GATAD2B: variants seen among roughly 807,000 people sequenced by gnomAD.
GATAD2B encodes the protein transcriptional repressor p66-beta.
GATAD2B carries 8 observed loss-of-function variants against 64.3 expected under a neutral mutation model. That is an observed-to-expected ratio of 0.12 (90% CI 0.07 to 0.22). The LOEUF is 0.22. GATAD2B is among the 10% of genes least tolerant of loss of function. The probability of loss-of-function intolerance (pLI) is 1.00; values close to 1 mark genes in which losing one functional copy is unlikely to be tolerated. For synonymous variants in GATAD2B, 281 were observed against 271.3 expected (o/e 1.04, Z -0.35); for missense variants, 453 against 752.0 (o/e 0.60, Z 4.65).
chr1:153,865,907 G>A (rs1676460991), intron 1 of GATAD2B, among the ~76,000 whole-genome samples: 1 of 151,948 alleles, frequency 6.6e-6, no homozygotes, highest in Non-Finnish European at 1.5e-5. Flanking sequence ...TAGATCGCTT[G>A]AGCCCAGAAG....
At chr1:153,887,073 C>T (rs1344096679) in intron 1 of GATAD2B, among the ~76,000 whole-genome samples, 2 of 152,108 alleles carry the variant, frequency 1.3e-5, no homozygotes, top group Non-Finnish European at 2.9e-5. Context: ...ATTACTATTA[C>T]AACAACAAAT....
rs574298474 is a variant in GATAD2B, at chr1:153,806,325, G to A, written c.*3852C>T. 6.6e-6 allele frequency: 1 copy of A among 151,754 alleles called. No homozygotes were observed. Among genetic ancestry groups the A allele is most frequent in the East Asian group, 2.0e-4 (1 of 5,108 alleles). 9.4% of individuals were successfully genotyped at this position (151,754 alleles called of 1,614,324 possible). On this transcript the variant is annotated 3_prime_UTR_variant, in exon 11 of 11. Coordinates refer to ENST00000368655, the MANE Select transcript of GATAD2B (RefSeq NM_020699.4). ...AGGGAGTGGGCTCTGCCAAGGCAGT[G>A]CTGGTGACCCGGAGGGACTACTCCA...
chr1:153,816,328 C>T lies in GATAD2B; in HGVS notation c.1161G>A (p.Glu387=). 6.2e-7 allele frequency: 1 copy of T among 1,613,948 alleles called. No individual in the cohort carries two copies. The highest frequency in any genetic ancestry group is 8.5e-7 in the Non-Finnish European group (1 of 1,179,814). The change falls in exon 7 of 11, where the codon GAG becomes GAA. Residue 387 remains glutamate (E), a synonymous_variant. Coordinates refer to ENST00000368655, the MANE Select transcript of GATAD2B (RefSeq NM_020699.4). This position sits in a 1 kb window ranked among gnomAD's most constrained non-coding sequence, Gnocchi z 4.9. ...LHFLPSAANS[E]FIYMVGLEEV... ...CTTCCAAGCCTACCATGTAGATGAACTCGCTATTGGCTGCACTAGGCAAGA... is the reference window on the plus strand; with the variant it reads ...CTTCCAAGCCTACCATGTAGATGAATTCGCTATTGGCTGCACTAGGCAAGA...
At chr1:153,834,809 A>G (rs1675213202) in intron 1 of GATAD2B, among the ~76,000 whole-genome samples, 1 of 152,140 alleles carries the variant, frequency 6.6e-6, no homozygotes, top group African/African-American at 2.4e-5. Context: ...AAACAGCAAG[A>G]AAACTACAAT....
intron 1 of GATAD2B, among the ~76,000 whole-genome samples, chr1:153,842,411 A>G (rs1457462824): frequency 6.6e-6 from 1 of 152,128 alleles, no homozygotes; most frequent in Non-Finnish European, 1.5e-5. Flanking sequence ...TTTTAGTGAG[A>G]CAAAACATTA....
intron 2 of GATAD2B, 51 bp downstream of exon 2, chr1:153,827,962 C>T (rs1350639043): frequency 1.5e-6 from 2 of 1,312,998 alleles, no homozygotes; most frequent in Admixed American, 2.0e-5. Flanking sequence ...TCCATTTTCA[C>T]AGGCTTTATG....
intron 1 of GATAD2B, among the ~76,000 whole-genome samples, chr1:153,912,260 C>T (rs1298983644): frequency 1.3e-5 from 2 of 151,948 alleles, no homozygotes; most frequent in African/African-American, 2.4e-5. Flanking sequence ...TTTTTCTTCA[C>T]CAGCTCAGTT....
intron 1 of GATAD2B, among the ~76,000 whole-genome samples, chr1:153,914,511 A>G (rs1678207759): frequency 6.6e-6 from 1 of 152,228 alleles, no homozygotes; most frequent in African/African-American, 2.4e-5. Context: ...TTCCCAGAAC[A>G]TAACAGAAGG....
chr1:153,823,785 C>T (rs965565415), intron 2 of GATAD2B, among the ~76,000 whole-genome samples: 7 of 150,718 alleles, frequency 4.6e-5, no homozygotes, highest in Non-Finnish European at 4.4e-5. Context: ...GGCTGGAGTG[C>T]AGTGGTGCAA....
At chr1:153,922,561 G>A (rs921168027) in intron 1 of GATAD2B, among the ~76,000 whole-genome samples, 172 bp downstream of exon 1, 2 of 150,528 alleles carry the variant, frequency 1.3e-5, no homozygotes, top group Non-Finnish European at 3.0e-5. Context: ...ACGCAAGGCG[G>A]GGGCGCGCGG....
chr1:153,891,574 TAAAAAAAA>T lies in GATAD2B; in HGVS notation c.-2+31151_-2+31158del, dbSNP rs1163572311. Among the ~76,000 whole-genome samples, 10 of 19,946 alleles carry T rather than the reference TAAAAAAAA, an allele frequency of 5.0e-4. No individual in the cohort carries two copies. The East Asian group carries it at 0.01, about 20-fold the overall frequency. 13.1% of individuals were successfully genotyped at this position (19,946 alleles called of 152,430 possible). On this transcript the variant is annotated intron_variant, in intron 1 of 10. Coordinates refer to ENST00000368655, the MANE Select transcript of GATAD2B (RefSeq NM_020699.4). ...AACAAAAGTGAAACTCTGTCTCGTT[TAAAAAAAA>T]AAAAAAAAAAAAAAAAGAGGTGGGG...
At chr1:153,841,761 A>T (rs945424738) in intron 1 of GATAD2B, among the ~76,000 whole-genome samples, 1 of 152,130 alleles carries the variant, frequency 6.6e-6, no homozygotes, top group African/African-American at 2.4e-5. Context: ...CATTCATGGG[A>T]AAGTTTTTGT....
At chr1:153,856,072 C>A (rs1178310386) in intron 1 of GATAD2B, among the ~76,000 whole-genome samples, 1 of 152,152 alleles carries the variant, frequency 6.6e-6, no homozygotes, top group African/African-American at 2.4e-5. Flanking sequence ...GGGTTCATGG[C>A]CACTTTCCTC....
At chr1:153,870,327 A>G (rs1468330531) in intron 1 of GATAD2B, among the ~76,000 whole-genome samples, 1 of 152,122 alleles carries the variant, frequency 6.6e-6, no homozygotes, top group Non-Finnish European at 1.5e-5. Context: ...TTCCAGCACT[A>G]TGGGAGGCCA....
intron 1 of GATAD2B, among the ~76,000 whole-genome samples, chr1:153,873,683 CTG>C (rs1676739314): frequency 6.6e-6 from 1 of 152,216 alleles, no homozygotes; most frequent in Non-Finnish European, 1.5e-5. Flanking sequence ...TGGCTCATGC[CTG>C]TAATCCCAGC....
At chr1:153,855,198 C>T (rs770258754) in intron 1 of GATAD2B, among the ~76,000 whole-genome samples, 1 of 149,416 alleles carries the variant, frequency 6.7e-6, no homozygotes, top group Non-Finnish European at 1.5e-5. Context: ...TTTTTTGAAA[C>T]GTAACTGTAG....
intron 1 of GATAD2B, among the ~76,000 whole-genome samples, chr1:153,898,248 A>C (rs1407134108): frequency 2.1e-5 from 3 of 142,982 alleles, no homozygotes; most frequent in Non-Finnish European, 4.5e-5. Context: ...TCAAGCCTGT[A>C]GTGAGCTATG....
intron 1 of GATAD2B, among the ~76,000 whole-genome samples, chr1:153,883,640 T>C (rs1677070477): frequency 6.6e-6 from 1 of 152,242 alleles, no homozygotes; most frequent in Non-Finnish European, 1.5e-5. Context: ...TGTCTATTTT[T>C]TAACAACCCA....
intron 1 of GATAD2B, among the ~76,000 whole-genome samples, chr1:153,902,203 C>T (rs939542473): frequency 6.6e-6 from 1 of 152,094 alleles, no homozygotes; most frequent in South Asian, 2.1e-4. Context: ...ATCACTTGAA[C>T]CCAGGAGGCG....
Sources: gnomAD v4.1 joint callset for allele counts (sites outside exome capture counted in the v4.1 genomes callset) on GRCh38, gnomAD v4.1.1 for gene constraint, Gnocchi (gnomAD v3.1) non-coding constraint, MANE v1.5 for transcripts, NCBI Gene and HGNC (gene_info 2026-07-23, HGNC 2026-07-21) for gene names.